Variants in CNTN4 observed in about 807,000 individuals in gnomAD.
CNTN4 encodes the protein contactin-4.
In CNTN4, 77 loss-of-function variants were observed where a neutral mutation model predicts 122.5. The ratio of observed to expected loss-of-function variants is 0.63; its 90% confidence interval spans 0.52 to 0.76. The LOEUF (loss-of-function observed/expected upper bound fraction) is 0.76. Ranked by LOEUF, CNTN4 falls within the 30% of genes least tolerant of loss-of-function variation. CNTN4 has a pLI of 0.00. For missense variants in CNTN4, 1,256 were observed against 1,259.1 expected, an observed-to-expected ratio of 1.00 and a Z score of 0.04; for synonymous variants, 512 against 447.0, an observed-to-expected ratio of 1.15 and a Z score of -1.83.
intron 4 of CNTN4, among the ~76,000 whole-genome samples, chr3:2,616,262 T>A (rs2081732648): frequency 6.6e-6 from 1 of 152,098 alleles, no homozygotes. Flanking sequence ...TTTCTGTTCT[T>A]GTGTCAGTTT....
At chr3:2,482,063 AG>A (rs1464971991) in intron 3 of CNTN4, among the ~76,000 whole-genome samples, 11 of 152,224 alleles carry the variant, frequency 7.2e-5, no homozygotes, top group African/African-American at 2.7e-4. Context: ...CGATTTTGTA[AG>A]TGGGTAACAG....
chr3:2,876,732 C>T (rs2093849011), intron 8 of CNTN4, among the ~76,000 whole-genome samples: 1 of 152,196 alleles, frequency 6.6e-6, no homozygotes, highest in Non-Finnish European at 1.5e-5. Flanking sequence ...TCAGCATCAA[C>T]TTTAATAATT....
chr3:2,787,947 G>A (rs1284661017), intron 6 of CNTN4, among the ~76,000 whole-genome samples: 1 of 151,940 alleles, frequency 6.6e-6, no homozygotes, highest in East Asian at 1.9e-4. Flanking sequence ...CCGCCACCAC[G>A]CCTGGCTAAA....
At chr3:2,196,757 TGCCTGG>T (rs2149365904) in intron 2 of CNTN4, among the ~76,000 whole-genome samples, 1 of 152,094 alleles carries the variant, frequency 6.6e-6, no homozygotes, top group South Asian at 2.1e-4. Context: ...GAAAAAGAAA[TGCCTGG>T]GCCGGGCACG....
At chr3:2,564,596 T>A (rs1282174723) in intron 3 of CNTN4, among the ~76,000 whole-genome samples, 1 of 152,174 alleles carries the variant, frequency 6.6e-6, no homozygotes, top group African/African-American at 2.4e-5. Context: ...CAGTCCCGTC[T>A]TCTATTCATG....
At chr3:2,591,056 C>T (rs1185382349) in intron 4 of CNTN4, among the ~76,000 whole-genome samples, 1 of 152,098 alleles carries the variant, frequency 6.6e-6, no homozygotes, top group Non-Finnish European at 1.5e-5. Flanking sequence ...GGAAACAGTG[C>T]CTAGACCATC....
intron 4 of CNTN4, among the ~76,000 whole-genome samples, chr3:2,589,467 T>C (rs189643639): frequency 6.6e-6 from 1 of 152,220 alleles, no homozygotes; most frequent in South Asian, 2.1e-4. Context: ...TAGAGTATAA[T>C]TCTTCCTTAC....
intron 4 of CNTN4, among the ~76,000 whole-genome samples, chr3:2,695,483 C>G (rs980929538): frequency 6.6e-6 from 1 of 152,166 alleles, no homozygotes; most frequent in South Asian, 2.1e-4. Context: ...AATTGGTTTC[C>G]AAATTGCTGT....
intron 2 of CNTN4, among the ~76,000 whole-genome samples, chr3:2,216,755 T>C (rs1416221872): frequency 6.6e-6 from 1 of 152,212 alleles, no homozygotes; most frequent in Non-Finnish European, 1.5e-5. Context: ...TTGCTTATAG[T>C]TGATGTTATG....
chr3:2,858,525 C>T lies in CNTN4; in HGVS notation c.455-8227C>T, dbSNP rs1032978277. Among the ~76,000 whole-genome samples, 10 of 152,026 alleles carry T rather than the reference C, an allele frequency of 6.6e-5. No homozygotes were observed. In the South Asian group the frequency reaches 8.3e-4, roughly 13 times the overall value. On this transcript the variant is annotated intron_variant, in intron 7 of 24. Coordinates refer to ENST00000418658, the MANE Select transcript of CNTN4 (RefSeq NM_175607.3). ...CAGATCACTTGAGGTCAGTAGTTCA[C>T]GGCAAGCTTGGCCAAAATGGTGAAA...
intron 3 of CNTN4, among the ~76,000 whole-genome samples, chr3:2,411,122 C>T (rs2047211284): frequency 6.6e-6 from 1 of 152,068 alleles, no homozygotes; most frequent in South Asian, 2.1e-4. Context: ...TAAGTGGGAG[C>T]ACGTATGAGA....
intron 6 of CNTN4, among the ~76,000 whole-genome samples, chr3:2,761,437 CCT>C (rs1491126212): frequency 0.011 from 1,453 of 130,454 alleles, 20 homozygotes; most frequent in African/African-American, 0.04. Context: ...GTAAGTGTAA[CCT>C]GTGTGTGTGT....
At chr3:2,251,648 A>G (rs1020011804) in intron 2 of CNTN4, among the ~76,000 whole-genome samples, 1 of 151,904 alleles carries the variant, frequency 6.6e-6, no homozygotes, top group Non-Finnish European at 1.5e-5. Flanking sequence ...AGCCCTTATT[A>G]TAACATATTA....
rs1425470122 is a variant in CNTN4 at position 3,053,995 on chromosome 3, T to C, written c.2980+20T>C. The C allele has an allele frequency of 6.2e-7, 1 of 1,612,734 alleles. No individual in the cohort carries two copies. The highest frequency in any genetic ancestry group is 8.5e-7 in the Non-Finnish European group (1 of 1,178,960). ...TATCAAGTGAGAATGCCTTTTTTTC[T>C]CCCTTTTCTCCTGCCTGTCTTATCT... On this transcript the variant is annotated intron_variant, in intron 24 of 24. Coordinates refer to ENST00000418658, the MANE Select transcript of CNTN4 (RefSeq NM_175607.3).
intron 6 of CNTN4, among the ~76,000 whole-genome samples, chr3:2,794,573 G>C (rs1182883559): frequency 2.0e-5 from 3 of 152,140 alleles, no homozygotes; most frequent in African/African-American, 7.2e-5. Flanking sequence ...TTCTAACCCT[G>C]GCTGTACCTC....
intron 6 of CNTN4, among the ~76,000 whole-genome samples, chr3:2,815,891 T>TATATATATATATA (rs1559534875): frequency 5.4e-5 from 8 of 147,974 alleles, no homozygotes; most frequent in African/African-American, 2.1e-4. Context: ...TATATATATA[T>TATATATATATATA]GATGGAATAC....
intron 2 of CNTN4, among the ~76,000 whole-genome samples, chr3:2,199,653 CA>C (rs2038006231): frequency 1.3e-5 from 2 of 152,212 alleles, no homozygotes; most frequent in African/African-American, 4.8e-5. Flanking sequence ...ACAAAATAGT[CA>C]AAATATAGAC....
intron 3 of CNTN4, among the ~76,000 whole-genome samples, chr3:2,482,297 C>T (rs1225474554): frequency 6.6e-6 from 1 of 152,122 alleles, no homozygotes; most frequent in Non-Finnish European, 1.5e-5. Context: ...TGCCCCTGCC[C>T]TAGAGATCTG....
chr3:2,177,920 G>T (rs948138795), intron 2 of CNTN4, among the ~76,000 whole-genome samples: 1 of 151,956 alleles, frequency 6.6e-6, no homozygotes, highest in African/African-American at 2.4e-5. Flanking sequence ...CAATTGCCTT[G>T]CTTTTCTTTC....
Sources: allele counts gnomAD v4.1 joint callset (sites outside exome capture counted in the v4.1 genomes callset), GRCh38; gene constraint gnomAD v4.1.1; transcripts MANE v1.5; gene names NCBI Gene and HGNC (gene_info 2026-07-23, HGNC 2026-07-21).